RALGAPA1: variants seen among roughly 807,000 people sequenced by gnomAD.
RALGAPA1 encodes Ral GTPase activating protein catalytic subunit alpha 1.
A neutral mutation model predicts 269.6 loss-of-function variants in RALGAPA1; 52 were observed. The observed-to-expected ratio is 0.19, with a 90% CI of 0.15 to 0.24. RALGAPA1 has a LOEUF of 0.24. Ranked by LOEUF, RALGAPA1 falls within the 10% of genes least tolerant of loss-of-function variation. The pLI is 1.00. For synonymous variants in RALGAPA1, 817 were observed against 1,008.3 expected (o/e 0.81, Z 3.60); for missense variants, 1,917 against 3,013.9 (o/e 0.64, Z 8.52).
chr14:35,798,405 G>A (rs957680574), intron 1 of RALGAPA1, among the ~76,000 whole-genome samples: 2 of 152,058 alleles, frequency 1.3e-5, no homozygotes, highest in Non-Finnish European at 2.9e-5. Flanking sequence ...TCAAACTCCT[G>A]GGCTCAAGCA....
chr14:35,539,713 T>C (rs750072613), intron 41 of RALGAPA1, 23 bp from the exon 42 acceptor site: 1 of 1,611,934 alleles, frequency 6.2e-7, no homozygotes, highest in Non-Finnish European at 8.5e-7. Flanking sequence ...GCAAGAGCAT[T>C]ACTACAGTTA....
intron 2 of RALGAPA1, 106 bp downstream of exon 2, chr14:35,775,529 T>C: frequency 7.2e-7 from 1 of 1,383,066 alleles, no homozygotes. Context: ...AGCAAAAAGC[T>C]GTCCGACAAA....
At chr14:35,709,215 A>G (rs527569057) in intron 16 of RALGAPA1, among the ~76,000 whole-genome samples, 1 of 152,142 alleles carries the variant, frequency 6.6e-6, no homozygotes, top group Admixed American at 6.5e-5. Flanking sequence ...AAAAATAACT[A>G]AAAGAATATA....
At chr14:35,676,880 T>G (rs1245677459) in intron 22 of RALGAPA1, 1 of 152,244 alleles carries the variant, frequency 6.6e-6, no homozygotes, top group Non-Finnish European at 1.5e-5. Flanking sequence ...TGCATTCATT[T>G]TACTAGCCTT....
intron 37 of RALGAPA1, among the ~76,000 whole-genome samples, chr14:35,586,426 T>G (rs1259536665): frequency 6.6e-6 from 1 of 152,228 alleles, no homozygotes; most frequent in African/African-American, 2.4e-5. Flanking sequence ...CTTTTCCTAA[T>G]TGAACACCCT....
chr14:35,664,606 C>A lies in RALGAPA1; in HGVS notation c.5328+36G>T, dbSNP rs754813201. 7 of 1,519,526 alleles carry A rather than the reference C, an allele frequency of 4.6e-6. No individual in the cohort carries two copies. The South Asian group carries it at 6.1e-5, about 13-fold the overall frequency. 94.1% of individuals were successfully genotyped at this position (1,519,526 alleles called of 1,614,324 possible). A position where few individuals can be genotyped will look rare whatever the true frequency, so the allele number is the denominator to read the frequency against. On this transcript the variant is annotated intron_variant, in intron 27 of 41. Coordinates refer to ENST00000680220, the MANE Select transcript of RALGAPA1 (RefSeq NM_001346249.2). The stretch of plus-strand genomic sequence containing the variant: ...TGCATATACTTTATGATTATAAAAT[C>A]ATTTAAGTGCTAAAAATTAGCATCT...
intron 33 of RALGAPA1, among the ~76,000 whole-genome samples, chr14:35,629,306 TG>T (rs2061189146): frequency 6.6e-6 from 1 of 151,810 alleles, no homozygotes; most frequent in Non-Finnish European, 1.5e-5. Flanking sequence ...TGTGTGTGTG[TG>T]TGTGTTTAAA....
chr14:35,726,008 C>A (rs1318830794), intron 13 of RALGAPA1, among the ~76,000 whole-genome samples: 1 of 152,160 alleles, frequency 6.6e-6, no homozygotes, highest in Non-Finnish European at 1.5e-5. Flanking sequence ...AAACTTGATT[C>A]AACCACATAT....
chr14:35,676,217 T>TC (rs2064931647), intron 22 of RALGAPA1: 1 of 151,470 alleles, frequency 6.6e-6, no homozygotes, highest in South Asian at 2.1e-4. Flanking sequence ...TTAAATTCTT[T>TC]TTTTTTTTTT....
intron 4 of RALGAPA1, among the ~76,000 whole-genome samples, chr14:35,765,366 T>A (rs959642055): frequency 8.5e-5 from 13 of 152,144 alleles, no homozygotes; most frequent in Admixed American, 3.3e-4. Flanking sequence ...AGGCTACATT[T>A]AAAAATCCCT....
intron 1 of RALGAPA1, among the ~76,000 whole-genome samples, chr14:35,789,337 T>C (rs956363985): frequency 3.9e-5 from 6 of 152,032 alleles, no homozygotes; most frequent in African/African-American, 1.4e-4. Flanking sequence ...CTCAGGCCTA[T>C]AATCCCAGCA....
Position 35,651,805 on chromosome 14 carries a change from C to G in RALGAPA1, c.5676G>C (p.Arg1892Ser). ...AATCATCAAACAAAATTTAAATTAC[C>G]CTCTTGTCCATTTCATAAGATGAAG... is the stretch of plus-strand genomic sequence containing the variant. ...TEASSYEMDK[R>S]LVVSLLLCLL... The change falls in exon 31 of 42, where the codon AGG (arginine) becomes AGC (serine). Residue 1892 changes from arginine (R) to serine (S), a missense_variant and splice_region_variant. Arg to Ser is a moderately radical substitution (Grantham distance 110). Transcript: ENST00000680220. The G allele has an allele frequency of 6.3e-7, 1 of 1,586,806 alleles. No individual in the cohort carries two copies. The highest frequency in any genetic ancestry group is 8.5e-7 in the Non-Finnish European group (1 of 1,170,432).
chr14:35,755,435 G>T (rs900121658), intron 7 of RALGAPA1, among the ~76,000 whole-genome samples: 7 of 152,034 alleles, frequency 4.6e-5, no homozygotes, highest in Non-Finnish European at 7.4e-5. Context: ...AATTGTAAAG[G>T]TTTCATGGAT....
At chr14:35,670,999 C>CT (rs981525492) in intron 26 of RALGAPA1, among the ~76,000 whole-genome samples, 3 of 151,070 alleles carry the variant, frequency 2.0e-5, no homozygotes, top group South Asian at 2.1e-4. Flanking sequence ...TACCAAGTTT[C>CT]TTTTTTTTAA....
intron 1 of RALGAPA1, among the ~76,000 whole-genome samples, chr14:35,805,949 A>G (rs1369898479): frequency 6.6e-6 from 1 of 152,056 alleles, no homozygotes; most frequent in African/African-American, 2.4e-5. Flanking sequence ...CGGCCTCCCC[A>G]AGTCCTGGGA....
intron 4 of RALGAPA1, chr14:35,766,940 C>A: frequency 2.6e-6 from 1 of 390,694 alleles, no homozygotes; most frequent in Non-Finnish European, 5.0e-6. Context: ...CCAAGCGTTG[C>A]CCACAGGGCT....
intron 13 of RALGAPA1, among the ~76,000 whole-genome samples, chr14:35,725,763 G>A (rs1298257809): frequency 2.0e-5 from 3 of 151,832 alleles, no homozygotes; most frequent in African/African-American, 7.3e-5. Flanking sequence ...CTACTCAGGA[G>A]GCTGAGGTGG....
intron 36 of RALGAPA1, among the ~76,000 whole-genome samples, chr14:35,603,217 A>C (rs1374159487): frequency 6.6e-6 from 1 of 152,160 alleles, no homozygotes; most frequent in African/African-American, 2.4e-5. Context: ...GAAATCAAGA[A>C]GTGTAAATCT....
At chr14:35,567,578 A>G (rs1357415773) in intron 39 of RALGAPA1, among the ~76,000 whole-genome samples, 2 of 152,064 alleles carry the variant, frequency 1.3e-5, no homozygotes, top group African/African-American at 4.8e-5. Flanking sequence ...ATGCTTTCTA[A>G]CTGCAAAGCC....
Sources: gnomAD v4.1 joint callset for allele counts (sites outside exome capture counted in the v4.1 genomes callset) on GRCh38, gnomAD v4.1.1 for gene constraint, MANE v1.5 for transcripts, NCBI Gene and HGNC (gene_info 2026-07-23, HGNC 2026-07-21) for gene names.